GALNTL6: variants seen among roughly 807,000 people sequenced by gnomAD.
GALNTL6 encodes the protein polypeptide N-acetylgalactosaminyltransferase-like 6.
Under a neutral mutation model 73.7 loss-of-function variants are expected in GALNTL6, and 46 were observed. The ratio of observed to expected loss-of-function variants is 0.62; its 90% CI spans 0.49 to 0.80. The LOEUF (loss-of-function observed/expected upper bound fraction) is 0.80, where lower values mean the gene tolerates loss of function less well. Among genes scored for constraint, GALNTL6 ranks in the 30% least tolerant of loss-of-function variants. GALNTL6 has a pLI of 0.00. For synonymous variants in GALNTL6, 259 were observed against 263.7 expected (o/e 0.98, Z 0.17); for missense variants, 604 against 755.0 (o/e 0.80, Z 2.34).
chr4:172,947,744 G>GT (rs1749239407), intron 9 of GALNTL6, among the ~76,000 whole-genome samples: 1 of 152,130 alleles, frequency 6.6e-6, no homozygotes, highest in South Asian at 2.1e-4. Flanking sequence ...TTACACAGCC[G>GT]TAAGTGTTCA....
intron 5 of GALNTL6, among the ~76,000 whole-genome samples, chr4:172,449,086 A>T (rs1036820911): frequency 2.6e-5 from 4 of 152,142 alleles, no homozygotes; most frequent in Non-Finnish European, 4.4e-5. Flanking sequence ...CACAATCTGA[A>T]TTGCACTGGG....
chr4:171,825,395 C>T (rs1734796558), intron 2 of GALNTL6, among the ~76,000 whole-genome samples: 1 of 151,990 alleles, frequency 6.6e-6, no homozygotes, highest in Non-Finnish European at 1.5e-5. Flanking sequence ...AATAAAAATG[C>T]TTCTGTTCCC....
intron 3 of GALNTL6, among the ~76,000 whole-genome samples, chr4:172,300,331 C>T (rs1739862896): frequency 6.6e-6 from 1 of 151,980 alleles, no homozygotes; most frequent in Non-Finnish European, 1.5e-5. Context: ...TCAAATTTAC[C>T]AGTCTGTGTC....
intron 2 of GALNTL6, among the ~76,000 whole-genome samples, chr4:172,211,210 A>T (rs1173063319): frequency 6.6e-6 from 1 of 152,164 alleles, no homozygotes; most frequent in Non-Finnish European, 1.5e-5. Flanking sequence ...CATTTCCCCA[A>T]GGAGCCCTGG....
chr4:172,156,565 ATACATAC>A (rs1368544245), intron 2 of GALNTL6, among the ~76,000 whole-genome samples: 2 of 112,952 alleles, frequency 1.8e-5, no homozygotes, highest in African/African-American at 3.5e-5. Context: ...ATATATATAT[ATACATAC>A]TATATATATA....
intron 2 of GALNTL6, among the ~76,000 whole-genome samples, chr4:172,213,819 A>G (rs1181414731): frequency 6.6e-6 from 1 of 152,148 alleles, no homozygotes; most frequent in Non-Finnish European, 1.5e-5. Context: ...ACATAGCAAT[A>G]TTTTCTTTTA....
At chr4:172,954,763 C>G (rs74870497) in intron 10 of GALNTL6, among the ~76,000 whole-genome samples, 1 of 152,282 alleles carries the variant, frequency 6.6e-6, no homozygotes, top group East Asian at 1.9e-4. Flanking sequence ...CCACCACACC[C>G]GGCAACAGAT....
chr4:172,927,606 A>G (rs1042496595), intron 8 of GALNTL6, among the ~76,000 whole-genome samples: 1 of 152,116 alleles, frequency 6.6e-6, no homozygotes, highest in Non-Finnish European at 1.5e-5. Flanking sequence ...ATTCAGCAGC[A>G]AGGGGCTGGA....
At chr4:172,541,034 G>A (rs868803528) in intron 5 of GALNTL6, among the ~76,000 whole-genome samples, 2 of 152,274 alleles carry the variant, frequency 1.3e-5, no homozygotes, top group Middle Eastern at 3.4e-3. Flanking sequence ...GCTTTGCAGG[G>A]TCATTTCAAA....
chr4:172,193,408 C>T (rs1660304541), intron 2 of GALNTL6, among the ~76,000 whole-genome samples: 1 of 152,108 alleles, frequency 6.6e-6, no homozygotes, highest in African/African-American at 2.4e-5. Context: ...TGGAGTGGAA[C>T]CCCAGCAAAC....
intron 5 of GALNTL6, among the ~76,000 whole-genome samples, chr4:172,370,498 G>T (rs1579003578): frequency 6.6e-6 from 1 of 151,756 alleles, no homozygotes; most frequent in Non-Finnish European, 1.5e-5. Flanking sequence ...AATTTTGGTG[G>T]TGGGCGCCTG....
intron 5 of GALNTL6, among the ~76,000 whole-genome samples, chr4:172,573,864 G>C (rs1736860542): frequency 6.6e-6 from 1 of 152,102 alleles, no homozygotes; most frequent in Non-Finnish European, 1.5e-5. Context: ...CACGTTTTGA[G>C]GGTAAACAAA....
Position 172,493,132 on chromosome 4 carries a change from CATA to C in GALNTL6, c.553+144452_553+144454del, listed in dbSNP as rs544096819. Among the ~76,000 whole-genome samples, 86 of 152,096 alleles carry C rather than the reference CATA, an allele frequency of 5.7e-4. 1 individual carries two copies. The highest frequency in any genetic ancestry group is 1.2e-3 in the Non-Finnish European group (80 of 68,026). ...TTTTTAAATATCAAATATACCCATA[CATA>C]ATAATAATTTTATTATCTTTCCTTG... On this transcript the variant is annotated intron_variant, in intron 5 of 12. Transcript: ENST00000506823.
intron 5 of GALNTL6, among the ~76,000 whole-genome samples, chr4:172,503,055 G>A (rs2110781798): frequency 6.6e-6 from 1 of 152,256 alleles, no homozygotes; most frequent in East Asian, 1.9e-4. Context: ...TGTAAAACAT[G>A]AGAGTTTGTG....
chr4:172,431,536 T>C (rs1217712611), intron 5 of GALNTL6, among the ~76,000 whole-genome samples: 2 of 152,114 alleles, frequency 1.3e-5, no homozygotes, highest in African/African-American at 4.8e-5. Context: ...ATAAGTGCCA[T>C]GTAAGAATGT....
intron 3 of GALNTL6, among the ~76,000 whole-genome samples, chr4:172,276,054 T>C (rs563405772): frequency 6.6e-6 from 1 of 152,276 alleles, no homozygotes; most frequent in East Asian, 1.9e-4. Flanking sequence ...TTAAACTTCT[T>C]TATCTTCTTT....
At chr4:172,569,475 A>G (rs1490842797) in intron 5 of GALNTL6, among the ~76,000 whole-genome samples, 1 of 152,216 alleles carries the variant, frequency 6.6e-6, no homozygotes, top group Non-Finnish European at 1.5e-5. Context: ...AAATGTATTA[A>G]TTGCAATGCG....
chr4:172,945,221 A>G (rs938670621), intron 9 of GALNTL6, among the ~76,000 whole-genome samples: 2 of 152,336 alleles, frequency 1.3e-5, no homozygotes, highest in East Asian at 3.9e-4. Flanking sequence ...AATACAAATT[A>G]AACTATAGTG....
intron 2 of GALNTL6, among the ~76,000 whole-genome samples, chr4:171,829,619 C>T (rs145518610): frequency 6.6e-6 from 1 of 152,186 alleles, no homozygotes; most frequent in African/African-American, 2.4e-5. Flanking sequence ...TTTCGTCAAG[C>T]GGTCTCTGGG....
Sources: allele counts gnomAD v4.1 joint callset (sites outside exome capture counted in the v4.1 genomes callset), GRCh38; gene constraint gnomAD v4.1.1; transcripts MANE v1.5; gene names NCBI Gene and HGNC (gene_info 2026-07-23, HGNC 2026-07-21).